CCDC60: variants seen among roughly 807,000 people sequenced by gnomAD.
The protein encoded by CCDC60 is coiled-coil domain containing 60.
In CCDC60, 54 loss-of-function variants were observed where a neutral mutation model predicts 63.5. That is an observed-to-expected ratio of 0.85 (90% CI 0.68 to 1.07). CCDC60 has a LOEUF of 1.07. CCDC60 is among the 50% of genes least tolerant of loss of function. The probability of loss-of-function intolerance (pLI) is 0.00; values close to 1 mark genes in which losing one functional copy is unlikely to be tolerated. For synonymous variants in CCDC60, 206 were observed against 238.8 expected, an observed-to-expected ratio of 0.86 and a Z score of 1.27; for missense variants, 651 against 684.3, an observed-to-expected ratio of 0.95 and a Z score of 0.54.
At chr12:119,494,706 C>T (rs1320923660) in intron 5 of CCDC60, among the ~76,000 whole-genome samples, 2 of 121,270 alleles carry the variant, frequency 1.6e-5, no homozygotes, top group Non-Finnish European at 4.2e-5. Flanking sequence ...ATCAGCCAGG[C>T]GTGGTGGCTC....
intron 4 of CCDC60, among the ~76,000 whole-genome samples, chr12:119,481,070 CCAT>C (rs1268717860): frequency 7.2e-5 from 11 of 151,776 alleles, no homozygotes; most frequent in African/African-American, 1.9e-4. Flanking sequence ...ATCATCATCA[CCAT>C]CATCATCATC....
At chr12:119,472,375 CCCAGCTT>C (rs1951081853) in intron 3 of CCDC60, among the ~76,000 whole-genome samples, 1 of 152,136 alleles carries the variant, frequency 6.6e-6, no homozygotes, top group Non-Finnish European at 1.5e-5. Flanking sequence ...TCACTAACCA[CCCAGCTT>C]AAATGCTGCT....
Position 119,451,832 on chromosome 12 carries a change from A to G in CCDC60, c.171-20162A>G, listed in dbSNP as rs886214943. Among the ~76,000 whole-genome samples the G allele has an allele frequency of 9.8e-5, 15 of 152,352 alleles. 1 individual carries two copies. Among genetic ancestry groups the G allele is most frequent in the Admixed American group, 5.9e-4 (9 of 15,308 alleles). On this transcript the variant is annotated intron_variant, in intron 2 of 13. Coordinates refer to ENST00000327554, the MANE Select transcript of CCDC60 (RefSeq NM_178499.5). ...GTGAAGAGATTTAGATTAGATAAATACTTACTGAGAGTACATTTGTGAATC... is the reference window on the plus strand; with the variant it reads ...GTGAAGAGATTTAGATTAGATAAATGCTTACTGAGAGTACATTTGTGAATC...
chr12:119,527,810 G>T (rs1416134120), intron 11 of CCDC60, among the ~76,000 whole-genome samples: 1 of 151,420 alleles, frequency 6.6e-6, no homozygotes, highest in African/African-American at 2.4e-5. Context: ...CCGAGTAGCT[G>T]GGACTACAGG....
At chr12:119,392,192 C>T (rs892686664) in intron 1 of CCDC60, among the ~76,000 whole-genome samples, 1 of 152,130 alleles carries the variant, frequency 6.6e-6, no homozygotes, top group African/African-American at 2.4e-5. Flanking sequence ...CCTAGGATAT[C>T]ACTGGTCTAG....
chr12:119,506,032 A>C (rs475672), intron 7 of CCDC60, among the ~76,000 whole-genome samples: 17,675 of 152,110 alleles, frequency 0.12, 1,092 homozygotes, highest in African/African-American at 0.14. Context: ...CATACCATAA[A>C]ATTCGCTTAT....
At chr12:119,350,209 A>G (rs558764209) in intron 1 of CCDC60, among the ~76,000 whole-genome samples, 3 of 124,924 alleles carry the variant, frequency 2.4e-5, no homozygotes, top group African/African-American at 9.0e-5. Flanking sequence ...TTATTTATTT[A>G]TTTTTTGAGA....
intron 13 of CCDC60, among the ~76,000 whole-genome samples, chr12:119,534,641 G>T (rs1952949191): frequency 6.6e-6 from 1 of 152,126 alleles, no homozygotes; most frequent in South Asian, 2.1e-4. Flanking sequence ...GTTGAATTTT[G>T]TCAAAGGCCT....
At chr12:119,404,906 C>T (rs1418474297) in intron 1 of CCDC60, among the ~76,000 whole-genome samples, 5 of 152,172 alleles carry the variant, frequency 3.3e-5, no homozygotes, top group Admixed American at 3.3e-4. Context: ...AACAAAAATG[C>T]TCCCTCACCT....
chr12:119,357,980 TC>T (rs1272670561), intron 1 of CCDC60, among the ~76,000 whole-genome samples: 1 of 152,100 alleles, frequency 6.6e-6, no homozygotes, highest in African/African-American at 2.4e-5. Context: ...AGCAGGCATG[TC>T]TTACACAGCA....
Position 119,455,350 on chromosome 12 carries a change from A to G in CCDC60, c.171-16644A>G, listed in dbSNP as rs575892649. Among the ~76,000 whole-genome samples the G allele has an allele frequency of 8.9e-4, 136 of 152,360 alleles. 1 individual carries two copies. The highest frequency in any genetic ancestry group is 3.1e-3 in the African/African-American group (130 of 41,592). ...AGCCCACAGACAGTAAGAAAGGCAG[A>G]CAAGTCAATCAGCAATCACCATGTA... On this transcript the variant is annotated intron_variant, in intron 2 of 13. Coordinates refer to ENST00000327554, the MANE Select transcript of CCDC60 (RefSeq NM_178499.5).
intron 1 of CCDC60, among the ~76,000 whole-genome samples, chr12:119,403,001 A>G (rs542042091): frequency 2.6e-5 from 4 of 152,348 alleles, no homozygotes; most frequent in Non-Finnish European, 5.9e-5. Flanking sequence ...TTTAGGAATA[A>G]TGAGTTCCAA....
chr12:119,537,869 G>A (rs1456675413), intron 13 of CCDC60, among the ~76,000 whole-genome samples: 2 of 152,204 alleles, frequency 1.3e-5, no homozygotes, highest in African/African-American at 4.8e-5. Flanking sequence ...GCTACATGGG[G>A]GTCAGGGACC....
intron 3 of CCDC60, among the ~76,000 whole-genome samples, chr12:119,472,958 TATA>T (rs1233543226): frequency 6.6e-6 from 1 of 152,194 alleles, no homozygotes; most frequent in East Asian, 1.9e-4. Flanking sequence ...TGCCCATGCA[TATA>T]ATAATAGTAA....
intron 1 of CCDC60, among the ~76,000 whole-genome samples, chr12:119,367,021 C>T (rs183027261): frequency 7.2e-5 from 11 of 152,156 alleles, no homozygotes; most frequent in African/African-American, 1.7e-4. Context: ...TTAATACAGA[C>T]GAGGTTTCAC....
chr12:119,417,497 A>C (rs1323690246), intron 1 of CCDC60, among the ~76,000 whole-genome samples: 1 of 152,062 alleles, frequency 6.6e-6, no homozygotes, highest in African/African-American at 2.4e-5. Context: ...ACAGGCAGGC[A>C]TACAATCCTC....
intron 1 of CCDC60, among the ~76,000 whole-genome samples, chr12:119,384,411 G>A (rs1956039596): frequency 6.6e-6 from 1 of 152,212 alleles, no homozygotes; most frequent in African/African-American, 2.4e-5. Context: ...ATGAGTTTCT[G>A]TATCTGGCAA....
intron 5 of CCDC60, among the ~76,000 whole-genome samples, chr12:119,495,876 C>T (rs895721638): frequency 1.3e-5 from 2 of 152,162 alleles, no homozygotes; most frequent in African/African-American, 4.8e-5. Context: ...AGCAATGTGT[C>T]ATGAAGAAAT....
intron 1 of CCDC60, among the ~76,000 whole-genome samples, chr12:119,421,053 C>A (rs960000586): frequency 5.9e-5 from 9 of 152,066 alleles, no homozygotes. Context: ...CCCGCTCACC[C>A]CTCGACGGAG....
Sources: gnomAD v4.1 joint callset for allele counts (sites outside exome capture counted in the v4.1 genomes callset) on GRCh38, gnomAD v4.1.1 for gene constraint, MANE v1.5 for transcripts, NCBI Gene and HGNC (gene_info 2026-07-23, HGNC 2026-07-21) for gene names.